Variants in VPS26C observed in about 807,000 individuals in gnomAD.
VPS26C encodes the protein vacuolar protein sorting-associated protein 26C.
A neutral mutation model predicts 30.6 loss-of-function variants in VPS26C; 19 were observed. That is an observed-to-expected ratio of 0.62 (90% CI 0.43 to 0.91). The LOEUF is 0.91. Ranked by LOEUF, VPS26C falls within the 40% of genes least tolerant of loss-of-function variation. The probability of loss-of-function intolerance (pLI) is 0.00; values close to 1 mark genes in which losing one functional copy is unlikely to be tolerated. For synonymous variants in VPS26C, 132 were observed against 151.5 expected (o/e 0.87, Z 0.95); for missense variants, 318 against 385.1 (o/e 0.83, Z 1.46).
At chr21:37,254,449 A>T (rs1441957131) in intron 1 of VPS26C, among the ~76,000 whole-genome samples, 1 of 152,102 alleles carries the variant, frequency 6.6e-6, no homozygotes, top group Non-Finnish European at 1.5e-5. Context: ...GTGAGCTATG[A>T]TTGTGCCACT....
rs1469331373 is a variant in VPS26C, at chr21:37,233,178, C to G, written c.432+184G>C. ...CGGCCTCAGCTGGGGGACTCTGGGC[C>G]CAGGACAATGATGCACACGTGATGC... is the stretch of plus-strand genomic sequence containing the variant. On this transcript the variant is annotated intron_variant, in intron 4 of 7. Coordinates refer to ENST00000309117, the MANE Select transcript of VPS26C (RefSeq NM_006052.2). This position sits in a 1 kb window ranked among gnomAD's most constrained non-coding sequence, Gnocchi z 5.2. 1.7e-6 allele frequency: 1 copy of G among 580,460 alleles called. No homozygotes were observed. Among genetic ancestry groups the G allele is most frequent in the Non-Finnish European group, 3.1e-6 (1 of 324,544 alleles). The allele number at this position is 580,460 out of a possible 1,614,324, so 36.0% of individuals were successfully genotyped here.
chr21:37,238,433 A>G, intron 3 of VPS26C, 27 bp downstream of exon 3: 1 of 1,601,338 alleles, frequency 6.2e-7, no homozygotes. Context: ...TTGTGAAGTC[A>G]GTCGCGTAGG....
intron 3 of VPS26C, among the ~76,000 whole-genome samples, chr21:37,235,938 A>C (rs998187310): frequency 6.7e-6 from 1 of 149,444 alleles, no homozygotes; most frequent in African/African-American, 2.5e-5. Context: ...TATGTTGCCC[A>C]GGCTGGACTT....
intron 1 of VPS26C, among the ~76,000 whole-genome samples, chr21:37,243,052 A>C (rs1004306476): frequency 6.6e-6 from 1 of 152,208 alleles, no homozygotes; most frequent in East Asian, 1.9e-4. Context: ...ATTTAGAAAC[A>C]GGAGACGGTT....
At chr21:37,235,322 C>T (rs975784971) in intron 3 of VPS26C, among the ~76,000 whole-genome samples, 7 of 151,994 alleles carry the variant, frequency 4.6e-5, no homozygotes, top group African/African-American at 1.7e-4. Flanking sequence ...TTAGTAGATA[C>T]GGGGTTTCAC....
chr21:37,243,480 C>T (rs1250926314), intron 1 of VPS26C, among the ~76,000 whole-genome samples: 1 of 152,176 alleles, frequency 6.6e-6, no homozygotes, highest in Non-Finnish European at 1.5e-5. Flanking sequence ...TGTGCGTGCT[C>T]ATCAGAGAAG....
At position 37,227,748 on chromosome 21, in the gene VPS26C, G is replaced by A. The variant is rs201396009; in HGVS notation, c.717C>T (p.Asp239=). The A allele has an allele frequency of 1.0e-4, 165 of 1,614,186 alleles. 2 individuals carry two copies. Among genetic ancestry groups the A allele is most frequent in the South Asian group, 4.4e-4 (40 of 91,084 alleles). ...ATEIQNIQIA[D]GDVCRGLSVP... is the part of the protein sequence containing the mutation. The stretch of plus-strand genomic sequence containing the variant: ...CAGAGAGGCCCCTGCACACATCCCC[G>A]TCGGCGATCTGAATGTTCTGAATCT... The change falls in exon 7 of 8, where the codon GAC becomes GAT. Residue 239 remains aspartate, a synonymous_variant. Coordinates refer to ENST00000309117, the MANE Select transcript of VPS26C (RefSeq NM_006052.2).
chr21:37,264,619 T>C (rs2086340245), intron 1 of VPS26C, among the ~76,000 whole-genome samples: 1 of 152,220 alleles, frequency 6.6e-6, no homozygotes, highest in Non-Finnish European at 1.5e-5. Context: ...CCTCCCATTG[T>C]TATTTTGAAA....
Position 37,238,576 on chromosome 21 carries a change from C to A in VPS26C, c.235G>T (p.Val79Leu). 1 of 1,614,190 alleles carries A rather than the reference C, an allele frequency of 6.2e-7. No individual in the cohort carries two copies. The highest frequency in any genetic ancestry group is 8.5e-7 in the Non-Finnish European group (1 of 1,180,038). Residue 79 changes from valine to leucine, a missense_variant, in exon 3 of 8, where the codon GTG becomes TTG. By Grantham distance (32) the Val-to-Leu change is conservative. Coordinates refer to ENST00000309117, the MANE Select transcript of VPS26C (RefSeq NM_006052.2). Reference protein sequence around the residue: ...IQIINSTIEMVKPGKFPSGKT... With the variant: ...IQIINSTIEMLKPGKFPSGKT... ...CCGCTGGGAAATTTCCCCGGCTTCA[C>A]CATTTCTATGGTGCTGTTGATAATC... is the stretch of plus-strand genomic sequence containing the variant.
chr21:37,264,065 T>G (rs916223042), intron 1 of VPS26C, among the ~76,000 whole-genome samples: 1 of 152,184 alleles, frequency 6.6e-6, no homozygotes, highest in Non-Finnish European at 1.5e-5. Context: ...CCACCTACCC[T>G]GAATTACAGA....
chr21:37,267,661 C>T (rs1329281894), upstream of VPS26C: 1 of 295,214 alleles, frequency 3.4e-6, no homozygotes, highest in African/African-American at 2.2e-5. Context: ...CCCCGCGTGC[C>T]CCGCGGCTGG....
chr21:37,225,403 A>T lies in VPS26C; in HGVS notation c.*141T>A. On this transcript the variant is annotated 3_prime_UTR_variant, in exon 8 of 8. Coordinates refer to ENST00000309117, the MANE Select transcript of VPS26C (RefSeq NM_006052.2). The stretch of plus-strand genomic sequence containing the variant: ...CTCAAGAAATGAGGAAGGAAAGTTA[A>T]TTTGAGGGTCTGTTTCATTTCTGAT... 2 of 708,926 alleles carry T rather than the reference A, an allele frequency of 2.8e-6. No homozygotes were observed. Among genetic ancestry groups the T allele is most frequent in the Non-Finnish European group, 4.9e-6 (2 of 408,626 alleles). 43.9% of individuals were successfully genotyped at this position (708,926 alleles called of 1,614,324 possible).
At chr21:37,253,946 A>G (rs988705367) in intron 1 of VPS26C, among the ~76,000 whole-genome samples, 1 of 152,276 alleles carries the variant, frequency 6.6e-6, no homozygotes, top group Non-Finnish European at 1.5e-5. Flanking sequence ...GATAAGGACT[A>G]TTCAAGAAAT....
At position 37,224,455 on chromosome 21, in the gene VPS26C, G is replaced by C. The variant is rs982915674; in HGVS notation, c.*1089C>G. 8 of 152,224 alleles carry C rather than the reference G, an allele frequency of 5.3e-5. No homozygotes were observed. Among genetic ancestry groups the C allele is most frequent in the Non-Finnish European group, 1.0e-4 (7 of 68,112 alleles). The allele number at this position is 152,224 out of a possible 1,614,324, so 9.4% of individuals were successfully genotyped here. A position where few individuals can be genotyped will look rare whatever the true frequency, so the allele number is the denominator to read the frequency against. On this transcript the variant is annotated 3_prime_UTR_variant, in exon 8 of 8. Coordinates refer to ENST00000309117, the MANE Select transcript of VPS26C (RefSeq NM_006052.2). ...TGAGGGGAGGGATCGCTTGAGCCAG[G>C]GAGGTTGAGGCTGCCGTGAGCTGTG...
chr21:37,255,149 AT>A (rs778601406), intron 1 of VPS26C, among the ~76,000 whole-genome samples: 1 of 152,052 alleles, frequency 6.6e-6, no homozygotes, highest in Non-Finnish European at 1.5e-5. Flanking sequence ...TCATGACTGT[AT>A]TTTTTTTAGA....
rs1198887708 is a variant in VPS26C at position 37,224,145 on chromosome 21, C to T, written c.*1399G>A. 6.6e-6 allele frequency: 1 copy of T among 152,232 alleles called. No individual in the cohort carries two copies. The highest frequency in any genetic ancestry group is 1.5e-5 in the Non-Finnish European group (1 of 68,054). 9.4% of individuals were successfully genotyped at this position (152,232 alleles called of 1,614,324 possible). On this transcript the variant is annotated 3_prime_UTR_variant, in exon 8 of 8. Transcript: ENST00000309117. ...CGGAGAGGGGCCTTCACCAGCCCACCCTGCACATGGGTTTCTGCTGTTCAG... is the reference window on the plus strand; with the variant it reads ...CGGAGAGGGGCCTTCACCAGCCCACTCTGCACATGGGTTTCTGCTGTTCAG...
At chr21:37,241,184 T>C (rs542563310) in intron 1 of VPS26C, among the ~76,000 whole-genome samples, 2 of 152,256 alleles carry the variant, frequency 1.3e-5, no homozygotes, top group South Asian at 4.2e-4. Flanking sequence ...GACTGGAGGT[T>C]ATTGGTGCCA....
At chr21:37,232,578 G>A in intron 4 of VPS26C, 127 bp from the exon 5 acceptor site, 1 of 772,306 alleles carries the variant, frequency 1.3e-6, no homozygotes, top group Non-Finnish European at 2.2e-6. Context: ...GAACTAAGAG[G>A]CGCAAGCCTG....
intron 1 of VPS26C, among the ~76,000 whole-genome samples, chr21:37,249,516 C>G (rs2086170514): frequency 6.6e-6 from 1 of 152,084 alleles, no homozygotes; most frequent in Admixed American, 6.6e-5. Context: ...TCTAAAACTC[C>G]CAGATGACAA....
Sources: allele counts gnomAD v4.1 joint callset (sites outside exome capture counted in the v4.1 genomes callset), GRCh38; gene constraint gnomAD v4.1.1; non-coding constraint Gnocchi (gnomAD v3.1); transcripts MANE v1.5; gene names NCBI Gene and HGNC (gene_info 2026-07-23, HGNC 2026-07-21).